CD247: variants seen among roughly 807,000 people sequenced by gnomAD.
CD247 encodes the protein CD247 molecule, also known as T-cell surface glycoprotein CD3 zeta chain.
CD247 carries 13 observed loss-of-function variants against 30.0 expected under a neutral mutation model. That is an observed-to-expected ratio of 0.43 (90% CI 0.28 to 0.69). The LOEUF (loss-of-function observed/expected upper bound fraction) is 0.69, where lower values mean the gene tolerates loss of function less well. Ranked by LOEUF, CD247 falls within the 30% of genes least tolerant of loss-of-function variation. CD247 has a pLI of 0.16. For synonymous variants in CD247, 72 were observed against 80.0 expected, an observed-to-expected ratio of 0.90 and a Z score of 0.53; for missense variants, 193 against 212.6, an observed-to-expected ratio of 0.91 and a Z score of 0.57.
chr1:167,475,594 T>A (rs1179300120), intron 1 of CD247, among the ~76,000 whole-genome samples: 1 of 152,150 alleles, frequency 6.6e-6, no homozygotes, highest in Non-Finnish European at 1.5e-5. Context: ...ATCACAAGCC[T>A]CCTGAGGAAA....
chr1:167,445,636 G>A (rs950800445), intron 1 of CD247, among the ~76,000 whole-genome samples: 1 of 152,046 alleles, frequency 6.6e-6, no homozygotes, highest in Admixed American at 6.5e-5. Context: ...TGGGGGAGAC[G>A]CACCTATCCT....
At chr1:167,443,341 G>A (rs1651927095) in intron 1 of CD247, among the ~76,000 whole-genome samples, 1 of 152,204 alleles carries the variant, frequency 6.6e-6, no homozygotes, top group Non-Finnish European at 1.5e-5. Context: ...TGAGGAAGAT[G>A]CTGGGCCCAG....
In CD247 at chr1:167,431,740, T is replaced by C. The variant is rs1203738977; in HGVS notation, c.436A>G (p.Ser146Gly). ...TCGTAGGTGTCCTTGGTGGCTGTAC[T>C]GAGACCCTGGCGTGAAAGCAAATCA... Reference protein sequence around the residue: ...KGHDGLYQGLSTATKDTYDAL... With the variant: ...KGHDGLYQGLGTATKDTYDAL... The change falls in exon 8 of 8, where the codon AGT becomes GGT. Residue 146 changes from serine (S) to glycine (G), a missense_variant. Physicochemically the swap from Ser to Gly is moderately conservative, Grantham distance 56. Transcript: ENST00000362089. The C allele has an allele frequency of 1.2e-6, 2 of 1,613,920 alleles. No homozygotes were observed. The highest frequency in any genetic ancestry group is 1.7e-6 in the Non-Finnish European group (2 of 1,179,892).
intron 1 of CD247, among the ~76,000 whole-genome samples, chr1:167,484,631 G>C (rs1431501174): frequency 6.6e-6 from 1 of 152,182 alleles, no homozygotes; most frequent in East Asian, 1.9e-4. Flanking sequence ...ACAAAAATTA[G>C]CCAGGCGTCA....
chr1:167,433,952 G>T, intron 6 of CD247, 68 bp downstream of exon 6: 1 of 1,337,990 alleles, frequency 7.5e-7, no homozygotes, highest in Non-Finnish European at 1.1e-6. Flanking sequence ...GGGAAAGGAG[G>T]CCTGCAGCAG....
intron 1 of CD247, among the ~76,000 whole-genome samples, chr1:167,496,077 A>C (rs35978715): frequency 3.9e-5 from 6 of 152,216 alleles, no homozygotes; most frequent in African/African-American, 1.4e-4. Context: ...GATTGTTTCA[A>C]AAGCACCTAG....
At chr1:167,473,449 C>T (rs567243308) in intron 1 of CD247, among the ~76,000 whole-genome samples, 36 of 152,276 alleles carry the variant, frequency 2.4e-4, no homozygotes, top group African/African-American at 7.7e-4. Flanking sequence ...GTCATTTAGC[C>T]GCGCTCACAG....
Position 167,465,327 on chromosome 1 carries a change from CTTTTTTT to C in CD247, c.59-24567_59-24561del, listed in dbSNP as rs765176193. Among the ~76,000 whole-genome samples the C allele has an allele frequency of 2.2e-4, 25 of 115,340 alleles. No individual in the cohort carries two copies. In the South Asian group the frequency reaches 3.8e-3, roughly 17 times the overall value. The allele number at this position is 115,340 out of a possible 152,430, so 75.7% of individuals were successfully genotyped here. On this transcript the variant is annotated intron_variant, in intron 1 of 7. Transcript: ENST00000362089. ...CCACCTTCCTTTTTTTTTTCTTTTT[CTTTTTTT>C]TTTTTTTTTTTGAGATGGAGTCCCG...
intron 1 of CD247, among the ~76,000 whole-genome samples, chr1:167,512,147 G>C (rs946918804): frequency 6.6e-6 from 1 of 152,162 alleles, no homozygotes; most frequent in Non-Finnish European, 1.5e-5. Flanking sequence ...CAATTTGGCT[G>C]CTTCGGGCAG....
In CD247 at chr1:167,495,500, A is replaced by G. The variant is rs573799730; in HGVS notation, c.58+22908T>C. ...AGATGTTTCTTGAACAAACATCACT[A>G]AGTAATGCCTACTTCTGCCCTTATT... On this transcript the variant is annotated intron_variant, in intron 1 of 7. Transcript: ENST00000362089. Among the ~76,000 whole-genome samples, 5 of 152,290 alleles carry G rather than the reference A, an allele frequency of 3.3e-5. No homozygotes were observed. In the East Asian group the frequency reaches 9.6e-4, roughly 29 times the overall value.
At chr1:167,458,307 T>C (rs907252157) in intron 1 of CD247, among the ~76,000 whole-genome samples, 2 of 152,220 alleles carry the variant, frequency 1.3e-5, no homozygotes, top group Non-Finnish European at 2.9e-5. Context: ...TGGGCAGGAA[T>C]GAGTGGGATT....
intron 1 of CD247, among the ~76,000 whole-genome samples, chr1:167,483,420 C>G (rs546159574): frequency 6.6e-6 from 1 of 152,100 alleles, no homozygotes; most frequent in Non-Finnish European, 1.5e-5. Flanking sequence ...CTCCCTCCCC[C>G]TCCCTACCCT....
chr1:167,498,359 T>C (rs534729395), intron 1 of CD247, among the ~76,000 whole-genome samples: 6 of 152,156 alleles, frequency 3.9e-5, no homozygotes, highest in Non-Finnish European at 8.8e-5. Flanking sequence ...GCAGGGACAC[T>C]GGGTGAGGCC....
chr1:167,437,068 C>A (rs147984539), intron 4 of CD247, among the ~76,000 whole-genome samples: 2 of 152,062 alleles, frequency 1.3e-5, no homozygotes, highest in Non-Finnish European at 2.9e-5. Flanking sequence ...CACGGCTGGG[C>A]GCGGGGGCTT....
intron 1 of CD247, among the ~76,000 whole-genome samples, chr1:167,501,053 CTTTT>C (rs569489236): frequency 8.0e-6 from 1 of 124,356 alleles, no homozygotes; most frequent in Non-Finnish European, 1.7e-5. Flanking sequence ...TCCTATTGTT[CTTTT>C]TTTTTTTTTT....
intron 1 of CD247, among the ~76,000 whole-genome samples, chr1:167,499,455 C>A (rs1454495823): frequency 6.6e-6 from 1 of 152,158 alleles, no homozygotes; most frequent in Non-Finnish European, 1.5e-5. Context: ...TAGATTTAGC[C>A]ACGACTGAAG....
At chr1:167,492,271 G>A (rs948970929) in intron 1 of CD247, among the ~76,000 whole-genome samples, 2 of 152,192 alleles carry the variant, frequency 1.3e-5, no homozygotes, top group African/African-American at 4.8e-5. Flanking sequence ...ATGTGTGAAG[G>A]ACCAGGAGAG....
chr1:167,504,039 G>T (rs1370508010), intron 1 of CD247, among the ~76,000 whole-genome samples: 1 of 152,118 alleles, frequency 6.6e-6, no homozygotes, highest in Non-Finnish European at 1.5e-5. Context: ...AAGCAAATAT[G>T]AGGGAGACCC....
At chr1:167,517,148 G>C (rs1486319793) in intron 1 of CD247, among the ~76,000 whole-genome samples, 3 of 152,228 alleles carry the variant, frequency 2.0e-5, no homozygotes, top group Non-Finnish European at 1.5e-5. Flanking sequence ...CTGTGTGTGT[G>C]ACTTAGACCC....
Sources: allele counts gnomAD v4.1 joint callset (sites outside exome capture counted in the v4.1 genomes callset), GRCh38; gene constraint gnomAD v4.1.1; transcripts MANE v1.5; gene names NCBI Gene and HGNC (gene_info 2026-07-23, HGNC 2026-07-21).